The following KCNIP1 variants were observed in gnomAD, a reference collection of about 807,000 sequenced individuals.
KCNIP1 encodes A-type potassium channel modulatory protein KCNIP1.
A neutral mutation model predicts 33.0 loss-of-function variants in KCNIP1; 18 were observed. The ratio of observed to expected loss-of-function variants is 0.55; its 90% CI spans 0.38 to 0.81. The LOEUF is 0.81. Ranked by LOEUF, KCNIP1 falls within the 30% of genes least tolerant of loss-of-function variation. The pLI is 0.00. For synonymous variants in KCNIP1, 93 were observed against 98.3 expected (o/e 0.95, Z 0.32); for missense variants, 238 against 271.6 (o/e 0.88, Z 0.87).
chr5:170,360,028 C>T (rs909863495), intron 1 of KCNIP1, among the ~76,000 whole-genome samples: 4 of 152,214 alleles, frequency 2.6e-5, no homozygotes, highest in African/African-American at 7.2e-5. Flanking sequence ...TAGCTGGAAA[C>T]GGGGCCCTCT....
chr5:170,379,121 G>T (rs1302919238), intron 1 of KCNIP1: 5 of 925,028 alleles, frequency 5.4e-6, no homozygotes, highest in Non-Finnish European at 7.9e-6. Context: ...CAGGCCATGC[G>T]CTGTACAGGT....
chr5:170,484,370 C>T (rs1757038936), intron 1 of KCNIP1: 3 of 152,262 alleles, frequency 2.0e-5, no homozygotes, highest in Admixed American at 6.5e-5. Context: ...CCATTTAGAG[C>T]TTCAGATGGC....
At chr5:170,390,706 C>G (rs1754550490) in intron 1 of KCNIP1, among the ~76,000 whole-genome samples, 4 of 151,686 alleles carry the variant, frequency 2.6e-5, no homozygotes, top group Admixed American at 2.0e-4. Flanking sequence ...GGGGCCAGAA[C>G]TAGATTCGAA....
chr5:170,515,472 G>A (rs1179303404), intron 1 of KCNIP1, among the ~76,000 whole-genome samples: 2 of 152,186 alleles, frequency 1.3e-5, no homozygotes, highest in African/African-American at 4.8e-5. Flanking sequence ...TTAGAGTTAT[G>A]TTGGACACAG....
At chr5:170,732,967 A>G in intron 6 of KCNIP1, 63 bp downstream of exon 6, 1 of 951,146 alleles carries the variant, frequency 1.1e-6, no homozygotes, top group Admixed American at 1.7e-5. Context: ...ACCCACGAGC[A>G]TCTGAGCAAA....
chr5:170,699,476 C>G (rs1364376470), intron 1 of KCNIP1, among the ~76,000 whole-genome samples: 1 of 151,672 alleles, frequency 6.6e-6, no homozygotes, highest in Non-Finnish European at 1.5e-5. Context: ...TTAATCTTCC[C>G]CCTTTTAATG....
chr5:170,399,985 G>A (rs1164904001), intron 1 of KCNIP1, among the ~76,000 whole-genome samples: 1 of 152,158 alleles, frequency 6.6e-6, no homozygotes, highest in African/African-American at 2.4e-5. Flanking sequence ...CATAGGATCT[G>A]ATAAAATACA....
At chr5:170,431,088 G>A (rs753263887) in intron 1 of KCNIP1, among the ~76,000 whole-genome samples, 2 of 152,194 alleles carry the variant, frequency 1.3e-5, no homozygotes, top group Non-Finnish European at 2.9e-5. Context: ...TCCAGCCCTC[G>A]CCTCTGAGGC....
chr5:170,603,398 C>T (rs965379932), intron 1 of KCNIP1, among the ~76,000 whole-genome samples: 2 of 152,158 alleles, frequency 1.3e-5, no homozygotes, highest in Non-Finnish European at 2.9e-5. Context: ...ACTCAGCGAT[C>T]GTTTTCCATT....
chr5:170,665,730 T>C (rs1286763697), intron 1 of KCNIP1, among the ~76,000 whole-genome samples: 1 of 119,124 alleles, frequency 8.4e-6, no homozygotes, highest in Non-Finnish European at 1.8e-5. Context: ...CTCCTTAGAC[T>C]CTTCTTGGCT....
At chr5:170,388,612 T>C (rs1409226625) in intron 1 of KCNIP1, among the ~76,000 whole-genome samples, 1 of 152,202 alleles carries the variant, frequency 6.6e-6, no homozygotes, top group Non-Finnish European at 1.5e-5. Context: ...GGTGACCTGA[T>C]AGCTGGGTCG....
chr5:170,603,722 C>G (rs1183749142), intron 1 of KCNIP1, among the ~76,000 whole-genome samples: 1 of 152,150 alleles, frequency 6.6e-6, no homozygotes, highest in East Asian at 1.9e-4. Flanking sequence ...AGAGAAGAGC[C>G]TGCCACACTC....
chr5:170,379,122 C>G, intron 1 of KCNIP1: 1 of 906,180 alleles, frequency 1.1e-6, no homozygotes, highest in Non-Finnish European at 1.6e-6. Context: ...AGGCCATGCG[C>G]TGTACAGGTC....
chr5:170,517,414 A>G (rs1338096989), intron 1 of KCNIP1, among the ~76,000 whole-genome samples: 1 of 152,206 alleles, frequency 6.6e-6, no homozygotes, highest in Admixed American at 6.5e-5. Flanking sequence ...GGCAAACCAT[A>G]TCAAGGGATA....
chr5:170,717,261 T>C (rs553719469), intron 1 of KCNIP1, among the ~76,000 whole-genome samples: 12 of 152,364 alleles, frequency 7.9e-5, no homozygotes, highest in African/African-American at 2.4e-4. Context: ...TTTTCTTTCT[T>C]TCTTTTTGAG....
At position 170,419,108 on chromosome 5, in the gene KCNIP1, G is replaced by A. The variant is rs116410808; in HGVS notation, c.88+65144G>A. 6.2e-3 allele frequency among the ~76,000 whole-genome samples: 950 copies of A among 152,324 alleles called. 9 individuals are homozygous for A. Among genetic ancestry groups the A allele is most frequent in the African/African-American group, 0.021 (858 of 41,578 alleles). On this transcript the variant is annotated intron_variant, in intron 1 of 7. Coordinates refer to the KCNIP1 transcript ENST00000377360. ...TAACAGATCTTCCTAACGTGTAAAC[G>A]TCGTTGTCCAGGTGAATGGAAGAAG...
At chr5:170,648,625 G>C (rs1010368285) in intron 1 of KCNIP1, among the ~76,000 whole-genome samples, 1 of 152,200 alleles carries the variant, frequency 6.6e-6, no homozygotes. Context: ...GGGATGATTA[G>C]GTGGAGCACA....
chr5:170,379,840 T>A (rs964180557), intron 1 of KCNIP1, among the ~76,000 whole-genome samples: 4 of 151,418 alleles, frequency 2.6e-5, no homozygotes, highest in Non-Finnish European at 5.9e-5. Flanking sequence ...TAGTCCCAGC[T>A]ACACAGGAGA....
intron 1 of KCNIP1, among the ~76,000 whole-genome samples, chr5:170,368,326 G>T (rs112409799): frequency 0.012 from 1,757 of 152,144 alleles, 29 homozygotes; most frequent in African/African-American, 0.041. Context: ...GTGCAGTGGC[G>T]CAATCTCAGC....
Sources: gnomAD v4.1 joint callset for allele counts (sites outside exome capture counted in the v4.1 genomes callset) on GRCh38, gnomAD v4.1.1 for gene constraint, MANE v1.5 for transcripts, NCBI Gene and HGNC (gene_info 2026-07-23, HGNC 2026-07-21) for gene names.